The following C4orf50 variants were observed in gnomAD, a reference collection of about 807,000 sequenced individuals.
The protein encoded by C4orf50 is chromosome 4 open reading frame 50.
A neutral mutation model predicts 77.2 loss-of-function variants in C4orf50; 80 were observed. That is an observed-to-expected ratio of 1.04 (90% CI 0.87 to 1.25). The LOEUF is 1.25. C4orf50 is among the 50% of genes most tolerant of loss of function. C4orf50 has a pLI of 0.00. For missense variants in C4orf50, 1,257 were observed against 1,152.9 expected, an observed-to-expected ratio of 1.09 and a Z score of -1.31; for synonymous variants, 532 against 465.3, an observed-to-expected ratio of 1.14 and a Z score of -1.84.
At chr4:5,906,811 C>G (rs763852175) in intron 7 of C4orf50, among the ~76,000 whole-genome samples, 1 of 152,166 alleles carries the variant, frequency 6.6e-6, no homozygotes, top group Non-Finnish European at 1.5e-5. Context: ...TGTAGGTACA[C>G]AGCTTCAAAT....
chr4:5,980,617 G>T (rs1356314108), intron 28 of C4orf50, among the ~76,000 whole-genome samples: 1 of 152,084 alleles, frequency 6.6e-6, no homozygotes, highest in Non-Finnish European at 1.5e-5. Flanking sequence ...GTTCTGCTTG[G>T]TTTCCGGAGG....
intron 25 of C4orf50, among the ~76,000 whole-genome samples, chr4:6,003,875 G>GTGA (rs1202080637): frequency 6.7e-4 from 85 of 126,572 alleles, no homozygotes; most frequent in Middle Eastern, 6.4e-3. Context: ...GGTGATGATG[G>GTGA]TGATGGTGAT....
Position 5,988,339 on chromosome 4 carries a change from C to A in C4orf50, c.3699+8G>T. 1 of 1,612,454 alleles carries A rather than the reference C, an allele frequency of 6.2e-7. No homozygotes were observed. The highest frequency in any genetic ancestry group is 1.1e-5 in the South Asian group (1 of 90,788). On this transcript the variant is annotated splice_region_variant and intron_variant, in intron 28 of 33. Transcript: ENST00000531445. ...TGATGAGTAAGCAGATATGCAGACCCAACCTACCATGGGGCCATTGCTCAG... is the reference window on the plus strand; with the variant it reads ...TGATGAGTAAGCAGATATGCAGACCAAACCTACCATGGGGCCATTGCTCAG...
At position 5,919,023 on chromosome 4, in the gene C4orf50, G is replaced by C. The variant is rs564650465; in HGVS notation, c.*2475-20835C>G. Among the ~76,000 whole-genome samples the C allele has an allele frequency of 6.6e-6, 1 of 152,318 alleles. No individual in the cohort carries two copies. The highest frequency in any genetic ancestry group is 6.5e-5 in the Admixed American group (1 of 15,298). ...AACTGAGACCCGGAGGAGTCAAAGGGCTTGCCCAAGTCTCGGTGCTTCTCA... is the reference window on the plus strand; with the variant it reads ...AACTGAGACCCGGAGGAGTCAAAGGCCTTGCCCAAGTCTCGGTGCTTCTCA... On this transcript the variant is annotated intron_variant, in intron 7 of 7. Transcript: ENST00000324058. The surrounding 1 kb of genome is among the most constrained non-coding windows in gnomAD (Gnocchi z 6.5).
chr4:6,007,583 A>G lies in C4orf50; in HGVS notation c.963+413T>C, dbSNP rs758061772. ...TGGTATTTTTTATAAAAGCCCAAAC[A>G]GATTTCAACAATGGGAAAACAAGTG... On this transcript the variant is annotated intron_variant, in intron 25 of 33. Coordinates refer to ENST00000531445, the Ensembl canonical transcript of C4orf50. The surrounding 1 kb of genome is among the most constrained non-coding windows in gnomAD (Gnocchi z 4.1). Among the ~76,000 whole-genome samples, 42 of 152,206 alleles carry G rather than the reference A, an allele frequency of 2.8e-4. No individual in the cohort carries two copies. Among genetic ancestry groups the G allele is most frequent in the Non-Finnish European group, 4.4e-5 (3 of 68,046 alleles).
At chr4:5,922,274 C>T (rs535641532) in intron 7 of C4orf50, among the ~76,000 whole-genome samples, 102 of 152,344 alleles carry the variant, frequency 6.7e-4, no homozygotes, top group Admixed American at 2.5e-3. Flanking sequence ...CTCCCATCTC[C>T]TCAGAATCCC....
intron 7 of C4orf50, among the ~76,000 whole-genome samples, chr4:5,927,556 G>A (rs373845256): frequency 2.6e-5 from 4 of 152,070 alleles, no homozygotes; most frequent in East Asian, 3.9e-4. Context: ...CCCCCATGCT[G>A]TTCTGGTGAT....
intron 25 of C4orf50, among the ~76,000 whole-genome samples, chr4:5,995,805 GAA>G (rs1182880857): frequency 6.6e-6 from 1 of 152,214 alleles, no homozygotes; most frequent in African/African-American, 2.4e-5. Flanking sequence ...CATTCATTCA[GAA>G]AACATTTATT....
chr4:5,995,332 GA>G (rs1048936747), intron 25 of C4orf50, among the ~76,000 whole-genome samples: 45 of 152,290 alleles, frequency 3.0e-4, no homozygotes, highest in African/African-American at 1.1e-3. Context: ...CTCCAAATGC[GA>G]CTGCCCGGTA....
chr4:5,973,794 C>T (rs373107754), exon 31 of C4orf50: 16 of 1,613,464 alleles, frequency 9.9e-6, no homozygotes, highest in African/African-American at 1.3e-5. Flanking sequence ...GGTGGGTGAT[C>T]AGGCGGTTCC....
chr4:5,927,549 C>T (rs1024748424), intron 7 of C4orf50, among the ~76,000 whole-genome samples: 1 of 151,866 alleles, frequency 6.6e-6, no homozygotes, highest in Non-Finnish European at 1.5e-5. Context: ...GGAGGTTCCC[C>T]CATGCTGTTC....
intron 25 of C4orf50, among the ~76,000 whole-genome samples, chr4:6,004,075 A>ATGATGG (rs1722038069): frequency 1.6e-5 from 1 of 62,684 alleles, no homozygotes; most frequent in African/African-American, 6.9e-5. Context: ...GGTGATGGTG[A>ATGATGG]TGATGTGATA....
intron 7 of C4orf50, among the ~76,000 whole-genome samples, chr4:5,926,407 T>C (rs537904337): frequency 2.4e-4 from 36 of 152,240 alleles, no homozygotes; most frequent in African/African-American, 8.4e-4. Context: ...GGACGGAAAG[T>C]GGACCGCCGG....
In C4orf50 at chr4:5,983,189, C is replaced by T. The variant is rs146155177; in HGVS notation, c.3700-2851G>A. The stretch of plus-strand genomic sequence containing the variant: ...CTCAGCTGTTCTCCTTCAATCCACC[C>T]GAACCATTGTTCTTAGAGCAGACAG... On this transcript the variant is annotated intron_variant, in intron 28 of 33. Transcript: ENST00000531445. Among the ~76,000 whole-genome samples the T allele has an allele frequency of 1.3e-3, 202 of 152,314 alleles. 3 individuals carry two copies. The East Asian group carries it at 0.018, about 13-fold the overall frequency.
chr4:6,007,704 GTAGA>G lies in C4orf50; in HGVS notation c.963+288_963+291del, dbSNP rs1722302037. 6.6e-6 allele frequency among the ~76,000 whole-genome samples: 1 copy of G among 151,956 alleles called. No individual in the cohort carries two copies. Among genetic ancestry groups the G allele is most frequent in the Non-Finnish European group, 1.5e-5 (1 of 68,000 alleles). Reference sequence around the variant, plus strand: ...GGTAGGTGGGCGAGTGGTTGGATAGGTAGATGGATGGATGATGGGCAAGTGTGTG... The same window carrying G: ...GGTAGGTGGGCGAGTGGTTGGATAGGTGGATGGATGATGGGCAAGTGTGTG... On this transcript the variant is annotated intron_variant, in intron 25 of 33. Coordinates refer to ENST00000531445, the Ensembl canonical transcript of C4orf50. This position sits in a 1 kb window ranked among gnomAD's most constrained non-coding sequence, Gnocchi z 4.1.
At chr4:5,915,344 G>A (rs2108733354) in intron 7 of C4orf50, among the ~76,000 whole-genome samples, 1 of 152,274 alleles carries the variant, frequency 6.6e-6, no homozygotes, top group East Asian at 1.9e-4. Context: ...ATACCGTTAT[G>A]TGCACACATG....
intron 7 of C4orf50, among the ~76,000 whole-genome samples, chr4:5,936,509 C>T (rs1363490426): frequency 3.4e-4 from 47 of 138,370 alleles, no homozygotes; most frequent in African/African-American, 1.2e-3. Flanking sequence ...CTGCAGTGAG[C>T]CGAGATCGCA....
exon 29 of C4orf50, chr4:5,980,237 C>G: frequency 6.2e-7 from 1 of 1,612,354 alleles, no homozygotes; most frequent in Non-Finnish European, 8.5e-7. Context: ...GGGCAGCGCC[C>G]TGGTCCCTGA....
At chr4:5,975,976 T>C (rs775148375) in intron 29 of C4orf50, 21 bp from the exon 8 acceptor site, 4 of 1,606,254 alleles carry the variant, frequency 2.5e-6, no homozygotes, top group Non-Finnish European at 3.4e-6. Flanking sequence ...AGCGACATTT[T>C]TGACAACACT....
Sources: allele counts gnomAD v4.1 joint callset (sites outside exome capture counted in the v4.1 genomes callset), GRCh38; gene constraint gnomAD v4.1.1; non-coding constraint Gnocchi (gnomAD v3.1); transcripts MANE v1.5; gene names NCBI Gene and HGNC (gene_info 2026-07-23, HGNC 2026-07-21).